Variants in PIK3CB observed in about 807,000 individuals in gnomAD.
The protein encoded by PIK3CB is phosphatidylinositol-4,5-bisphosphate 3-kinase catalytic subunit beta, also known as phosphatidylinositol 4,5-bisphosphate 3-kinase catalytic subunit beta isoform.
Under a neutral mutation model 136.8 loss-of-function variants are expected in PIK3CB, and 39 were observed. The ratio of observed to expected loss-of-function variants is 0.29; its 90% CI spans 0.22 to 0.37. PIK3CB has a LOEUF of 0.37. Among genes scored for constraint, PIK3CB ranks in the 10% least tolerant of loss-of-function variants. The pLI is 1.00. For missense variants in PIK3CB, 868 were observed against 1,275.4 expected (o/e 0.68, Z 4.87); for synonymous variants, 428 against 436.6 (o/e 0.98, Z 0.25).
At chr3:138,782,536 T>G (rs1376568863) in intron 2 of PIK3CB, among the ~76,000 whole-genome samples, 1 of 152,230 alleles carries the variant, frequency 6.6e-6, no homozygotes, top group Non-Finnish European at 1.5e-5. Flanking sequence ...ACTAATTTTT[T>G]TCTTCCACAG....
At chr3:138,681,530 C>T (rs2043782252) in intron 19 of PIK3CB, among the ~76,000 whole-genome samples, 1 of 152,116 alleles carries the variant, frequency 6.6e-6, no homozygotes, top group Admixed American at 6.6e-5. Context: ...ACTATCTACC[C>T]CTATTGATGG....
Position 138,710,866 on chromosome 3 carries a change from C to T in PIK3CB, c.1399+1342G>A, listed in dbSNP as rs2044481919. On this transcript the variant is annotated intron_variant, in intron 10 of 23. Coordinates refer to ENST00000674063, the MANE Select transcript of PIK3CB (RefSeq NM_006219.3). ...CTGGGAGGCTGAGGTGGGTGGATCA[C>T]GAGGTCAGGAGATCGAGACGATCCT... Among the ~76,000 whole-genome samples, 6 of 151,878 alleles carry T rather than the reference C, an allele frequency of 4.0e-5. No individual in the cohort carries two copies. In the South Asian group the frequency reaches 1.3e-3, roughly 32 times the overall value.
At chr3:138,688,351 A>G (rs560803928) in intron 16 of PIK3CB, among the ~76,000 whole-genome samples, 9 of 152,000 alleles carry the variant, frequency 5.9e-5, no homozygotes, top group African/African-American at 2.2e-4. Context: ...AATACAAAAT[A>G]TTAGCTGGGC....
At chr3:138,706,057 A>G (rs1239367029) in intron 11 of PIK3CB, among the ~76,000 whole-genome samples, 1 of 152,178 alleles carries the variant, frequency 6.6e-6, no homozygotes, top group African/African-American at 2.4e-5. Context: ...TGGCTCCTAA[A>G]TTCTGAGAAT....
intron 19 of PIK3CB, among the ~76,000 whole-genome samples, chr3:138,681,190 G>C (rs367902552): frequency 6.6e-6 from 1 of 151,408 alleles, no homozygotes; most frequent in South Asian, 2.1e-4. Context: ...GGGAGTACGG[G>C]CATGTGCTCC....
chr3:138,741,172 C>CT (rs540999628), intron 5 of PIK3CB, among the ~76,000 whole-genome samples: 3 of 152,322 alleles, frequency 2.0e-5, no homozygotes, highest in Admixed American at 2.0e-4. Context: ...AAGGCAGAAT[C>CT]TTTTTTTCAC....
intron 8 of PIK3CB, among the ~76,000 whole-genome samples, chr3:138,724,054 A>C (rs1308698468): frequency 6.6e-6 from 1 of 152,138 alleles, no homozygotes; most frequent in African/African-American, 2.4e-5. Flanking sequence ...GTATCCTACA[A>C]TTCAATTTTG....
intron 16 of PIK3CB, among the ~76,000 whole-genome samples, chr3:138,688,595 T>C (rs2043944845): frequency 6.6e-6 from 1 of 151,644 alleles, no homozygotes; most frequent in Non-Finnish European, 1.5e-5. Flanking sequence ...ATATTAGGAA[T>C]GCCGAGTAAT....
At chr3:138,685,539 G>C (rs2043871710) in intron 16 of PIK3CB, among the ~76,000 whole-genome samples, 1 of 151,528 alleles carries the variant, frequency 6.6e-6, no homozygotes, top group Non-Finnish European at 1.5e-5. Flanking sequence ...CAACTTCCTA[G>C]TATTAGAGAA....
intron 8 of PIK3CB, among the ~76,000 whole-genome samples, chr3:138,716,571 A>G (rs916116477): frequency 6.6e-6 from 1 of 152,138 alleles, no homozygotes; most frequent in African/African-American, 2.4e-5. Context: ...AACGCAACAT[A>G]CCATCAAAAT....
intron 1 of PIK3CB, among the ~76,000 whole-genome samples, chr3:138,800,853 T>C (rs753002384): frequency 6.6e-6 from 1 of 152,194 alleles, no homozygotes; most frequent in African/African-American, 2.4e-5. Flanking sequence ...TCGGACCTCC[T>C]GACCTCAGGT....
chr3:138,692,762 T>G (rs1403942134), intron 14 of PIK3CB, among the ~76,000 whole-genome samples: 1 of 152,216 alleles, frequency 6.6e-6, no homozygotes, highest in Non-Finnish European at 1.5e-5. Flanking sequence ...TGGGCTTTTA[T>G]GTTTCAAAAA....
intron 2 of PIK3CB, among the ~76,000 whole-genome samples, chr3:138,789,243 G>A (rs1437239255): frequency 6.6e-6 from 1 of 152,138 alleles, no homozygotes; most frequent in South Asian, 2.1e-4. Flanking sequence ...CAGACAGCTT[G>A]AGCCAGGTGT....
At chr3:138,799,951 T>A (rs1032157309) in intron 1 of PIK3CB, among the ~76,000 whole-genome samples, 1 of 152,100 alleles carries the variant, frequency 6.6e-6, no homozygotes, top group Non-Finnish European at 1.5e-5. Flanking sequence ...AGTGCTGGGA[T>A]TACAGGCATA....
At position 138,799,727 on chromosome 3, in the gene PIK3CB, T is replaced by C. The variant is rs973406147; in HGVS notation, c.-121-3160A>G. The stretch of plus-strand genomic sequence containing the variant: ...GGTTCTTGCTCTGTCACCCAGCCTG[T>C]TGTGCAGCAGCATGATCACGGTTCA... On this transcript the variant is annotated intron_variant, in intron 1 of 23. Coordinates refer to ENST00000674063, the MANE Select transcript of PIK3CB (RefSeq NM_006219.3). 7.9e-5 allele frequency among the ~76,000 whole-genome samples: 12 copies of C among 152,122 alleles called. 1 individual carries two copies.
At position 138,654,597 on chromosome 3, in the gene PIK3CB, G is replaced by A. The variant is rs1313242831; in HGVS notation, c.*792C>T. On this transcript the variant is annotated 3_prime_UTR_variant, in exon 24 of 24. Transcript: ENST00000674063. ...CTGTATTAATATGTGCCTCATTATA[G>A]AAGCAGCTGGAAGAACTGGATCACA... 1 of 227,238 alleles carries A rather than the reference G, an allele frequency of 4.4e-6. No homozygotes were observed. The allele number at this position is 227,238 out of a possible 1,614,324, so 14.1% of individuals were successfully genotyped here.
In PIK3CB at chr3:138,653,974, C is replaced by G. The variant is rs1276827159; in HGVS notation, c.*1415G>C. On this transcript the variant is annotated 3_prime_UTR_variant, in exon 24 of 24. Transcript: ENST00000674063. ...TTGGCCATTTCTTGGAGTTCCAGTG[C>G]CAAGTTCCAAAGGCCCAGTCTACCC... The G allele has an allele frequency of 5.1e-6, 1 of 197,682 alleles. No individual in the cohort carries two copies. The highest frequency in any genetic ancestry group is 1.0e-5 in the Non-Finnish European group (1 of 95,440). 12.2% of individuals were successfully genotyped at this position (197,682 alleles called of 1,614,324 possible). A position where few individuals can be genotyped will look rare whatever the true frequency, so the allele number is the denominator to read the frequency against.
intron 8 of PIK3CB, among the ~76,000 whole-genome samples, chr3:138,727,007 T>C (rs1266553826): frequency 6.6e-6 from 1 of 151,920 alleles, no homozygotes; most frequent in East Asian, 1.9e-4. Flanking sequence ...GCCGTGTTTA[T>C]CCACTCCACT....
chr3:138,829,929 T>C (rs1186940226), intron 1 of PIK3CB, among the ~76,000 whole-genome samples: 1 of 152,192 alleles, frequency 6.6e-6, no homozygotes, highest in African/African-American at 2.4e-5. Context: ...AGTTCAGGAC[T>C]GGAGATAAAA....
Sources: allele counts gnomAD v4.1 joint callset (sites outside exome capture counted in the v4.1 genomes callset), GRCh38; gene constraint gnomAD v4.1.1; transcripts MANE v1.5; gene names NCBI Gene and HGNC (gene_info 2026-07-23, HGNC 2026-07-21).